The following THRAP3 variants were observed in gnomAD, a reference collection of about 807,000 sequenced individuals.
The protein encoded by THRAP3 is thyroid hormone receptor-associated protein 3.
THRAP3 carries 16 observed loss-of-function variants against 101.0 expected under a neutral mutation model. That is an observed-to-expected ratio of 0.16 (90% CI 0.11 to 0.24). The LOEUF is 0.24. THRAP3 is among the 10% of genes least tolerant of loss of function. THRAP3 has a pLI of 1.00. For missense variants in THRAP3, 989 were observed against 1,202.7 expected (o/e 0.82, Z 2.63); for synonymous variants, 407 against 422.6 (o/e 0.96, Z 0.45).
intron 3 of THRAP3, 75 bp downstream of exon 3, chr1:36,282,775 G>A (rs2124584514): frequency 6.4e-7 from 1 of 1,562,752 alleles, no homozygotes; most frequent in East Asian, 2.2e-5. Flanking sequence ...TCTTTTGTTA[G>A]ACTTTTCCTG....
At position 36,289,592 on chromosome 1, in the gene THRAP3, G is replaced by C; in HGVS notation, c.1573G>C (p.Ala525Pro). The C allele has an allele frequency of 6.2e-7, 1 of 1,614,112 alleles. No individual in the cohort carries two copies. Among genetic ancestry groups the C allele is most frequent in the South Asian group, 1.1e-5 (1 of 91,082 alleles). Residue 525 changes from alanine (A) to proline (P), a missense_variant, in exon 5 of 12, where the codon GCT becomes CCT. By Grantham distance (27) the Ala-to-Pro change is conservative (BLOSUM62 -1). Coordinates refer to ENST00000354618, the MANE Select transcript of THRAP3 (RefSeq NM_005119.4). ...GCCTGAGAAGAATTTCCGAGTGACT[G>C]CTTATAAAGCAGTCCAGGAGAAAAG... ...FVPEKNFRVT[A>P]YKAVQEKSSS...
intron 1 of THRAP3, among the ~76,000 whole-genome samples, chr1:36,234,837 T>TA (rs1456302201): frequency 1.5e-5 from 2 of 134,492 alleles, no homozygotes; most frequent in African/African-American, 5.6e-5. Flanking sequence ...TTTTTTGAGA[T>TA]AGAGTCTCGC....
chr1:36,211,704 C>T, the THRAP3 span, among the ~76,000 whole-genome samples: 1 of 152,214 alleles, frequency 6.6e-6, no homozygotes, highest in Non-Finnish European at 1.5e-5. Context: ...TGCCAATGAT[C>T]AGTAGCAAAC....
At chr1:36,242,363 G>GGTT (rs1384627536) in intron 1 of THRAP3, among the ~76,000 whole-genome samples, 3 of 151,850 alleles carry the variant, frequency 2.0e-5, no homozygotes, top group Admixed American at 1.3e-4. Flanking sequence ...ATGTTGCCCA[G>GGTT]GTTGATCTTG....
chr1:36,257,408 T>G (rs571359121), intron 1 of THRAP3, among the ~76,000 whole-genome samples: 3 of 152,314 alleles, frequency 2.0e-5, no homozygotes, highest in East Asian at 3.9e-4. Context: ...AATTATTTGT[T>G]GAATAAGTGG....
intron 1 of THRAP3, among the ~76,000 whole-genome samples, chr1:36,242,450 ATTTTT>A (rs34973754): frequency 1.1e-5 from 1 of 90,530 alleles, no homozygotes; most frequent in Admixed American, 1.2e-4. Flanking sequence ...GTCTGTTTTG[ATTTTT>A]TTTTTTTTTT....
At chr1:36,235,741 G>A (rs1403661192) in intron 1 of THRAP3, among the ~76,000 whole-genome samples, 1 of 152,080 alleles carries the variant, frequency 6.6e-6, no homozygotes, top group Non-Finnish European at 1.5e-5. Flanking sequence ...CTATTGGACA[G>A]GTCCTTAAAG....
At chr1:36,237,116 C>G (rs918965999) in intron 1 of THRAP3, among the ~76,000 whole-genome samples, 1 of 151,760 alleles carries the variant, frequency 6.6e-6, no homozygotes, top group Non-Finnish European at 1.5e-5. Context: ...GTGGAGGTTG[C>G]GTGCCATTGC....
chr1:36,221,028 T>A (rs971592217), upstream of THRAP3, among the ~76,000 whole-genome samples: 1 of 142,610 alleles, frequency 7.0e-6, no homozygotes, highest in Admixed American at 7.1e-5. Context: ...AAAATAATTT[T>A]TACAATTTTA....
At chr1:36,295,954 CTTTTTTTTTTTTTTTTTTTTTTTTT>C (rs575028397) in intron 8 of THRAP3, among the ~76,000 whole-genome samples, 3 of 60,488 alleles carry the variant, frequency 5.0e-5, no homozygotes, top group Admixed American at 2.7e-4. Context: ...GCCTTCTCAA[CTTTTTTTTTTTTTTTTTTTTTTTTT>C]TTTTTTTTTT....
At chr1:36,233,119 C>T (rs1322852587) in intron 1 of THRAP3, among the ~76,000 whole-genome samples, 1 of 151,496 alleles carries the variant, frequency 6.6e-6, no homozygotes, top group African/African-American at 2.4e-5. Flanking sequence ...TCTGCCCCCT[C>T]GGCCTCCCAA....
At chr1:36,298,869 A>C (rs1195221984) in intron 9 of THRAP3, among the ~76,000 whole-genome samples, 1 of 152,148 alleles carries the variant, frequency 6.6e-6, no homozygotes, top group Non-Finnish European at 1.5e-5. Context: ...TCACTGGCCT[A>C]CTGTGGCTTT....
intron 1 of THRAP3, among the ~76,000 whole-genome samples, chr1:36,228,546 G>A (rs1383392515): frequency 6.6e-6 from 1 of 152,094 alleles, no homozygotes. Flanking sequence ...GTAGAGACGG[G>A]GTTTTGCCAT....
intron 1 of THRAP3, among the ~76,000 whole-genome samples, chr1:36,233,365 G>A (rs1194287031): frequency 6.6e-6 from 1 of 151,828 alleles, no homozygotes; most frequent in Non-Finnish European, 1.5e-5. Flanking sequence ...AATTAGCCAG[G>A]CATGCTGGTG....
upstream of THRAP3, among the ~76,000 whole-genome samples, chr1:36,222,114 G>T (rs116863874): frequency 8.6e-5 from 13 of 151,664 alleles, no homozygotes; most frequent in East Asian, 2.6e-3. Flanking sequence ...GCCTGGCCTT[G>T]GTCTCAAACT....
rs1218900345 is a variant in THRAP3, at chr1:36,304,913, T to G, written c.*896T>G. The G allele has an allele frequency of 4.8e-6, 1 of 206,884 alleles. No individual in the cohort carries two copies. The highest frequency in any genetic ancestry group is 2.3e-5 in the African/African-American group (1 of 43,868). 12.8% of individuals were successfully genotyped at this position (206,884 alleles called of 1,614,324 possible). On this transcript the variant is annotated 3_prime_UTR_variant, in exon 12 of 12. Transcript: ENST00000354618. ...TATGAGAAAATTTTTTCAATATTTT[T>G]TATTAATCTTTTTATAAAATGAAAA...
rs781208823 is a variant in THRAP3 at position 36,270,571 on chromosome 1, GTTTTT to G, written c.-32+11088_-32+11092del. Among the ~76,000 whole-genome samples the G allele has an allele frequency of 3.5e-3, 110 of 31,816 alleles. 2 individuals are homozygous for G. Among genetic ancestry groups the G allele is most frequent in the Admixed American group, 7.1e-3 (13 of 1,838 alleles). 20.9% of individuals were successfully genotyped at this position (31,816 alleles called of 152,430 possible). Reference sequence around the variant, plus strand: ...TAAAAATACAGTTCTATTTGTTTAGGTTTTTGTTTTTTTTTTTTTTTTTGAGACGG... The same window carrying G: ...TAAAAATACAGTTCTATTTGTTTAGGGTTTTTTTTTTTTTTTTTGAGACGG... On this transcript the variant is annotated intron_variant, in intron 2 of 11. Coordinates refer to ENST00000354618, the MANE Select transcript of THRAP3 (RefSeq NM_005119.4).
chr1:36,240,194 A>G (rs1251097465), intron 1 of THRAP3, among the ~76,000 whole-genome samples: 3 of 152,204 alleles, frequency 2.0e-5, no homozygotes, highest in Admixed American at 6.6e-5. Context: ...GTGAAGTTCC[A>G]TGATAGGCTG....
chr1:36,250,701 C>T (rs1030336665), intron 1 of THRAP3, among the ~76,000 whole-genome samples: 3 of 150,624 alleles, frequency 2.0e-5, no homozygotes, highest in Non-Finnish European at 4.4e-5. Flanking sequence ...CACTTGAGGG[C>T]GGGAGTTCGA....
Sources: allele counts gnomAD v4.1 joint callset (sites outside exome capture counted in the v4.1 genomes callset), GRCh38; gene constraint gnomAD v4.1.1; transcripts MANE v1.5; gene names NCBI Gene and HGNC (gene_info 2026-07-23, HGNC 2026-07-21).